The following IQCK variants were observed in gnomAD, a reference collection of about 807,000 sequenced individuals.
IQCK encodes the protein IQ motif containing K.
Under a neutral mutation model 28.1 loss-of-function variants are expected in IQCK, and 29 were observed. The observed-to-expected ratio is 1.03, with a 90% CI of 0.77 to 1.41. IQCK has a LOEUF of 1.41. Ranked by LOEUF, IQCK falls within the 40% of genes most tolerant of loss-of-function variation. The probability of loss-of-function intolerance (pLI) is 0.00; values close to 1 mark genes in which losing one functional copy is unlikely to be tolerated. For synonymous variants in IQCK, 113 were observed against 115.1 expected (o/e 0.98, Z 0.12); for missense variants, 359 against 314.7 (o/e 1.14, Z -1.07).
At chr16:19,744,788 A>G (rs551475212) in intron 4 of IQCK, among the ~76,000 whole-genome samples, 1 of 152,256 alleles carries the variant, frequency 6.6e-6, no homozygotes, top group Non-Finnish European at 1.5e-5. Context: ...GGGTGCTAGC[A>G]GTATTTTATA....
chr16:19,811,629 T>G (rs2055906646), intron 7 of IQCK, among the ~76,000 whole-genome samples: 1 of 152,212 alleles, frequency 6.6e-6, no homozygotes, highest in South Asian at 2.1e-4. Context: ...GTCACAGAGA[T>G]AGTGCCTTGC....
intron 9 of IQCK, among the ~76,000 whole-genome samples, chr16:19,835,753 T>A (rs2056287662): frequency 6.6e-6 from 1 of 151,952 alleles, no homozygotes; most frequent in Admixed American, 6.6e-5. Flanking sequence ...CCCAGTTAAT[T>A]TTTGTATTTT....
At chr16:19,856,808 GT>G in exon 10 of IQCK, 2 of 435,118 alleles carry the variant, frequency 4.6e-6, no homozygotes, top group Admixed American at 4.1e-5. Flanking sequence ...TGCCTCAGGA[GT>G]ATTCTTCTAC....
intron 6 of IQCK, among the ~76,000 whole-genome samples, chr16:19,781,284 C>T (rs186562317): frequency 2.8e-4 from 42 of 152,214 alleles, no homozygotes; most frequent in Non-Finnish European, 6.0e-4. Context: ...ATCTGAAACC[C>T]ACATGGGAGC....
chr16:19,856,888 T>A (rs924825783), exon 10 of IQCK: 1 of 215,836 alleles, frequency 4.6e-6, no homozygotes, highest in Non-Finnish European at 9.1e-6. Flanking sequence ...TATTACCAGT[T>A]TTCCCACTTG....
intron 7 of IQCK, among the ~76,000 whole-genome samples, chr16:19,792,569 CTTTTTTTTT>C (rs777960791): frequency 9.8e-6 from 1 of 102,180 alleles, no homozygotes; most frequent in Non-Finnish European, 1.7e-5. Flanking sequence ...TACTGAACAC[CTTTTTTTTT>C]TTTTTTTTTT....
chr16:19,835,864 C>A (rs1416556138), intron 9 of IQCK, among the ~76,000 whole-genome samples: 2 of 152,168 alleles, frequency 1.3e-5, no homozygotes, highest in Admixed American at 6.5e-5. Flanking sequence ...GAATTACAGG[C>A]GTGAGCCATC....
At chr16:19,765,847 C>T (rs1253627115) in intron 6 of IQCK, 1 of 152,028 alleles carries the variant, frequency 6.6e-6, no homozygotes, top group Non-Finnish European at 1.5e-5. Context: ...GTATCATTCT[C>T]CAAGTTGCTG....
chr16:19,763,614 T>G (rs1254849930), intron 4 of IQCK, among the ~76,000 whole-genome samples: 1 of 152,154 alleles, frequency 6.6e-6, no homozygotes, highest in African/African-American at 2.4e-5. Flanking sequence ...GGCTAATTTT[T>G]GTATTTTTAG....
chr16:19,753,725 GT>G (rs1249012220), intron 4 of IQCK, among the ~76,000 whole-genome samples: 1 of 152,032 alleles, frequency 6.6e-6, no homozygotes, highest in Non-Finnish European at 1.5e-5. Flanking sequence ...AGGCTTCAGG[GT>G]TGGTTTGATT....
At chr16:19,852,902 G>A (rs1315200795) in intron 9 of IQCK, among the ~76,000 whole-genome samples, 1 of 152,162 alleles carries the variant, frequency 6.6e-6, no homozygotes, top group Non-Finnish European at 1.5e-5. Flanking sequence ...GATTACAGGC[G>A]TGAGCCACCG....
intron 2 of IQCK, among the ~76,000 whole-genome samples, chr16:19,733,419 G>A (rs754451137): frequency 2.6e-5 from 4 of 152,054 alleles, no homozygotes; most frequent in Non-Finnish European, 4.4e-5. Context: ...GATTACAGGC[G>A]TGAGTTTCTT....
chr16:19,780,450 C>A (rs999156621), intron 6 of IQCK, among the ~76,000 whole-genome samples: 17 of 152,166 alleles, frequency 1.1e-4, no homozygotes, highest in Admixed American at 2.0e-4. Flanking sequence ...GGATTACAGG[C>A]ATGAGCCACT....
chr16:19,780,949 TA>T (rs1277453483), intron 6 of IQCK, among the ~76,000 whole-genome samples: 2 of 152,190 alleles, frequency 1.3e-5, no homozygotes, highest in Non-Finnish European at 2.9e-5. Flanking sequence ...TTCATGTTGT[TA>T]AAAACATTAT....
intron 9 of IQCK, among the ~76,000 whole-genome samples, chr16:19,853,400 T>G (rs757101819): frequency 9.2e-5 from 14 of 152,170 alleles, no homozygotes; most frequent in Admixed American, 7.8e-4. Flanking sequence ...AAAGAGATAC[T>G]AAGGGGCTTT....
chr16:19,816,886 C>G lies in IQCK; in HGVS notation c.691-10140C>G, dbSNP rs114873752. 1.9e-3 allele frequency among the ~76,000 whole-genome samples: 287 copies of G among 152,276 alleles called. 3 individuals carry two copies. Among genetic ancestry groups the G allele is most frequent in the African/African-American group, 6.7e-3 (280 of 41,550 alleles). On this transcript the variant is annotated intron_variant, in intron 7 of 7. Coordinates refer to ENST00000564186, the Ensembl canonical transcript of IQCK. ...TTATCTCAGCTTATTTTCACACCAA[C>G]CCAATGAAAAAATATTTTTATTTTC...
intron 9 of IQCK, among the ~76,000 whole-genome samples, chr16:19,854,292 A>AC (rs1396593671): frequency 6.6e-6 from 1 of 152,260 alleles, no homozygotes; most frequent in Non-Finnish European, 1.5e-5. Flanking sequence ...GGCCTTGTTA[A>AC]ACTGTAGATG....
At chr16:19,779,609 T>G (rs1567554239) in intron 6 of IQCK, among the ~76,000 whole-genome samples, 1 of 152,306 alleles carries the variant, frequency 6.6e-6, no homozygotes, top group East Asian at 1.9e-4. Flanking sequence ...CATAACTTTC[T>G]GGTCACTCTC....
chr16:19,767,114 C>T (rs756579396), intron 6 of IQCK, among the ~76,000 whole-genome samples: 13 of 152,278 alleles, frequency 8.5e-5, no homozygotes, highest in Non-Finnish European at 1.3e-4. Context: ...GCTCAAACCT[C>T]TAGGGGAGCA....
Sources: allele counts gnomAD v4.1 joint callset (sites outside exome capture counted in the v4.1 genomes callset), GRCh38; gene constraint gnomAD v4.1.1; transcripts MANE v1.5; gene names NCBI Gene and HGNC (gene_info 2026-07-23, HGNC 2026-07-21).